Variants in HDHD2 observed in about 807,000 individuals in gnomAD.
HDHD2 encodes haloacid dehalogenase like hydrolase domain containing 2.
A neutral mutation model predicts 24.8 loss-of-function variants in HDHD2; 26 were observed. That is an observed-to-expected ratio of 1.05 (90% CI 0.77 to 1.45). The LOEUF (loss-of-function observed/expected upper bound fraction) is 1.45. HDHD2 is among the 40% of genes most tolerant of loss of function. The pLI is 0.00. For synonymous variants in HDHD2, 128 were observed against 114.9 expected (o/e 1.11, Z -0.73); for missense variants, 299 against 313.4 (o/e 0.95, Z 0.35).
chr18:47,138,637 C>CA (rs2063790391), intron 1 of HDHD2, among the ~76,000 whole-genome samples: 1 of 152,202 alleles, frequency 6.6e-6, no homozygotes, highest in Non-Finnish European at 1.5e-5. Flanking sequence ...AGGATGTTTT[C>CA]ATACCTAATA....
At chr18:47,118,141 A>G (rs2063572190) in intron 4 of HDHD2, among the ~76,000 whole-genome samples, 1 of 152,140 alleles carries the variant, frequency 6.6e-6, no homozygotes, top group African/African-American at 2.4e-5. Context: ...ACCATATAAA[A>G]ATCTCAGGCA....
At chr18:47,136,935 C>T (rs1230810596) in intron 1 of HDHD2, 7 of 475,004 alleles carry the variant, frequency 1.5e-5, no homozygotes, top group Non-Finnish European at 2.3e-5. Flanking sequence ...TCCACCACTG[C>T]CACCTCCTCC....
chr18:47,124,515 T>C (rs2063637861), intron 4 of HDHD2, among the ~76,000 whole-genome samples: 1 of 151,094 alleles, frequency 6.6e-6, no homozygotes, highest in African/African-American at 2.4e-5. Context: ...GAGACCAGCC[T>C]GACCAACACG....
intron 5 of HDHD2, among the ~76,000 whole-genome samples, chr18:47,113,762 C>G (rs1421574578): frequency 6.7e-6 from 1 of 149,936 alleles, no homozygotes; most frequent in African/African-American, 2.4e-5. Context: ...TTTTTTTTTT[C>G]CTTAAAAACC....
chr18:47,143,855 A>C (rs975399021), intron 1 of HDHD2, among the ~76,000 whole-genome samples: 1 of 152,242 alleles, frequency 6.6e-6, no homozygotes, highest in Admixed American at 6.5e-5. Flanking sequence ...AAGCAATTCC[A>C]AAATAGGAGT....
At chr18:47,141,388 TATG>T (rs1210150922) in intron 1 of HDHD2, among the ~76,000 whole-genome samples, 1 of 152,240 alleles carries the variant, frequency 6.6e-6, no homozygotes, top group Non-Finnish European at 1.5e-5. Context: ...TTTAATAAAT[TATG>T]ATATTTGCCA....
intron 4 of HDHD2, among the ~76,000 whole-genome samples, chr18:47,121,720 C>T (rs1381100471): frequency 1.3e-5 from 2 of 152,254 alleles, no homozygotes; most frequent in East Asian, 1.9e-4. Flanking sequence ...TCCCCAACCC[C>T]GCATCTCCAC....
At chr18:47,140,582 G>T (rs985426153) in intron 1 of HDHD2, among the ~76,000 whole-genome samples, 1 of 152,072 alleles carries the variant, frequency 6.6e-6, no homozygotes, top group African/African-American at 2.4e-5. Flanking sequence ...GCAGTTGCAT[G>T]ATCACAGCTC....
chr18:47,118,644 T>C (rs1249770197), intron 4 of HDHD2, among the ~76,000 whole-genome samples: 3 of 152,016 alleles, frequency 2.0e-5, no homozygotes, highest in African/African-American at 7.2e-5. Context: ...AATACCTAGG[T>C]GATGGGTTGA....
chr18:47,136,301 C>A, intron 2 of HDHD2, 38 bp downstream of exon 2: 1 of 1,611,018 alleles, frequency 6.2e-7, no homozygotes, highest in Non-Finnish European at 8.5e-7. Context: ...ATGGCACTTA[C>A]AAACATATTT....
chr18:47,115,017 T>C (rs2063546191), intron 5 of HDHD2, 115 bp downstream of exon 5: 5 of 714,000 alleles, frequency 7.0e-6, no homozygotes, highest in Non-Finnish European at 1.2e-5. Context: ...CATTTATATA[T>C]ATACTGTCCA....
chr18:47,118,354 TGCCC>T (rs1568045825), intron 4 of HDHD2, among the ~76,000 whole-genome samples: 2 of 152,164 alleles, frequency 1.3e-5, no homozygotes, highest in Non-Finnish European at 2.9e-5. Context: ...TCAACCCAAA[TGCCC>T]GTCAGTGATA....
At chr18:47,146,818 G>A (rs1436910883) in intron 1 of HDHD2, among the ~76,000 whole-genome samples, 3 of 152,128 alleles carry the variant, frequency 2.0e-5, no homozygotes, top group African/African-American at 7.2e-5. Context: ...GTAAAGAGAA[G>A]CAAGGGAATG....
intron 2 of HDHD2, among the ~76,000 whole-genome samples, chr18:47,135,884 T>C (rs2063761315): frequency 6.6e-6 from 1 of 152,208 alleles, no homozygotes. Context: ...TTGATGGAAA[T>C]AACACAAAAA....
At chr18:47,142,070 C>T (rs1213900330) in intron 1 of HDHD2, among the ~76,000 whole-genome samples, 1 of 152,154 alleles carries the variant, frequency 6.6e-6, no homozygotes, top group Admixed American at 6.5e-5. Context: ...ATTGTGAGGC[C>T]TCCCCAGCAA....
chr18:47,139,464 C>CAAAAAAAAAAAAA lies in HDHD2; in HGVS notation c.-10-3028_-10-3016dup, dbSNP rs760347919. 9.9e-5 allele frequency among the ~76,000 whole-genome samples: 5 copies of CAAAAAAAAAAAAA among 50,474 alleles called. 1 individual carries two copies. The highest frequency in any genetic ancestry group is 3.8e-4 in the African/African-American group (5 of 13,252). 33.1% of individuals were successfully genotyped at this position (50,474 alleles called of 152,430 possible). A position where few individuals can be genotyped will look rare whatever the true frequency, so the allele number is the denominator to read the frequency against. On this transcript the variant is annotated intron_variant, in intron 1 of 6. Transcript: ENST00000300605. ...TGGGTGACAGAGCGAGACTCTGTCT[C>CAAAAAAAAAAAAA]AAAAAAAAAAAAAAAAAAAAAAAAA... is the stretch of plus-strand genomic sequence containing the variant.
At chr18:47,113,328 C>G (rs2063531392) in intron 5 of HDHD2, among the ~76,000 whole-genome samples, 1 of 152,194 alleles carries the variant, frequency 6.6e-6, no homozygotes. Flanking sequence ...CTTTGCCACA[C>G]CTACATCTAT....
intron 4 of HDHD2, among the ~76,000 whole-genome samples, chr18:47,126,934 G>T (rs1751452744): frequency 6.6e-6 from 1 of 152,186 alleles, no homozygotes; most frequent in African/African-American, 2.4e-5. Context: ...GGAGGCTGAG[G>T]CGGGTGGATC....
At chr18:47,133,742 AT>A (rs1394803523) in intron 3 of HDHD2, among the ~76,000 whole-genome samples, 6 of 152,034 alleles carry the variant, frequency 3.9e-5, no homozygotes, top group Non-Finnish European at 7.4e-5. Context: ...GATGATGAGC[AT>A]TTTTTCATGT....
Sources: allele counts gnomAD v4.1 joint callset (sites outside exome capture counted in the v4.1 genomes callset), GRCh38; gene constraint gnomAD v4.1.1; transcripts MANE v1.5; gene names NCBI Gene and HGNC (gene_info 2026-07-23, HGNC 2026-07-21).